Variants in OXR1 observed in about 807,000 individuals in gnomAD.
The protein encoded by OXR1 is oxidation resistance protein 1.
A neutral mutation model predicts 104.6 loss-of-function variants in OXR1; 41 were observed. The ratio of observed to expected loss-of-function variants is 0.39; its 90% CI spans 0.31 to 0.51. The LOEUF is 0.51. OXR1 is among the 20% of genes least tolerant of loss of function. The pLI, the probability that OXR1 is intolerant of heterozygous loss-of-function variation, is 0.77. For synonymous variants in OXR1, 348 were observed against 348.4 expected (o/e 1.00, Z 0.01); for missense variants, 955 against 1,031.9 (o/e 0.93, Z 1.02).
At chr8:106,395,130 T>G (rs1250406706) in intron 2 of OXR1, among the ~76,000 whole-genome samples, 1 of 152,120 alleles carries the variant, frequency 6.6e-6, no homozygotes, top group Non-Finnish European at 1.5e-5. Context: ...GAAACCATGT[T>G]ATGTGTTTTG....
intron 2 of OXR1, among the ~76,000 whole-genome samples, chr8:106,416,893 C>CT (rs1818703335): frequency 6.6e-6 from 1 of 151,972 alleles, no homozygotes; most frequent in Non-Finnish European, 1.5e-5. Flanking sequence ...TTCAAAATAA[C>CT]TTTTTTGCAG....
chr8:106,409,993 C>G (rs1383197974), intron 2 of OXR1, among the ~76,000 whole-genome samples: 14 of 139,282 alleles, frequency 1.0e-4, no homozygotes, highest in African/African-American at 4.3e-4. Flanking sequence ...TTCACACACA[C>G]ACACAAACAC....
At chr8:106,680,680 A>G (rs560628939) in intron 4 of OXR1, among the ~76,000 whole-genome samples, 26 of 152,158 alleles carry the variant, frequency 1.7e-4, no homozygotes, top group Admixed American at 7.2e-4. Context: ...TTGACATTCT[A>G]TTACTTGGAG....
chr8:106,309,814 C>CAT (rs1266281777), intron 1 of OXR1, among the ~76,000 whole-genome samples: 6 of 150,714 alleles, frequency 4.0e-5, no homozygotes, highest in East Asian at 3.9e-4. Flanking sequence ...TGTATATACA[C>CAT]ATATATATAT....
intron 3 of OXR1, among the ~76,000 whole-genome samples, chr8:106,671,052 A>ACAAAAAC (rs1826912495): frequency 2.7e-5 from 4 of 149,840 alleles, no homozygotes; most frequent in African/African-American, 9.9e-5. Context: ...CTCAAAAAAA[A>ACAAAAAC]AAAAAAAAAA....
chr8:106,481,372 T>C (rs1440116211), intron 2 of OXR1, among the ~76,000 whole-genome samples: 1 of 152,028 alleles, frequency 6.6e-6, no homozygotes, highest in African/African-American at 2.4e-5. Context: ...AGAGGCTGAC[T>C]CTCAGAAATA....
chr8:106,375,242 C>T (rs908833573), intron 2 of OXR1, among the ~76,000 whole-genome samples: 7 of 152,148 alleles, frequency 4.6e-5, no homozygotes, highest in African/African-American at 1.7e-4. Flanking sequence ...TTTTAAGTCA[C>T]TGTAAAGACG....
intron 3 of OXR1, among the ~76,000 whole-genome samples, chr8:106,663,015 A>G (rs761241022): frequency 6.6e-6 from 1 of 152,174 alleles, no homozygotes; most frequent in Non-Finnish European, 1.5e-5. Flanking sequence ...TGGATTTGGG[A>G]TGCTCAATCA....
At chr8:106,513,468 G>A (rs1183325071) in intron 2 of OXR1, among the ~76,000 whole-genome samples, 1 of 152,012 alleles carries the variant, frequency 6.6e-6, no homozygotes, top group Admixed American at 6.6e-5. Context: ...GTTGTTTTCT[G>A]AAAGATTTGG....
chr8:106,472,528 A>G (rs148831489), intron 2 of OXR1, among the ~76,000 whole-genome samples: 1 of 151,944 alleles, frequency 6.6e-6, no homozygotes, highest in East Asian at 1.9e-4. Flanking sequence ...TTGTTAATGA[A>G]TTTCTTCACT....
At chr8:106,726,049 C>T in intron 11 of OXR1, 1 of 760,954 alleles carries the variant, frequency 1.3e-6, no homozygotes, top group Non-Finnish European at 1.9e-6. Flanking sequence ...ACAGCCTCCA[C>T]TCAGGACTAT....
At chr8:106,421,226 T>C (rs189254854) in intron 2 of OXR1, among the ~76,000 whole-genome samples, 1 of 152,116 alleles carries the variant, frequency 6.6e-6, no homozygotes, top group African/African-American at 2.4e-5. Flanking sequence ...AGAACACTAG[T>C]AAAGAATGCT....
At chr8:106,390,249 A>G (rs1817539735) in intron 2 of OXR1, among the ~76,000 whole-genome samples, 1 of 152,226 alleles carries the variant, frequency 6.6e-6, no homozygotes, top group African/African-American at 2.4e-5. Flanking sequence ...TTCCACAAAT[A>G]TTATTTGAAT....
chr8:106,551,900 G>GTA (rs757874418), intron 3 of OXR1, among the ~76,000 whole-genome samples: 7 of 137,390 alleles, frequency 5.1e-5, no homozygotes, highest in Admixed American at 1.5e-4. Context: ...GTGTGTGTGT[G>GTA]TATTTATATA....
At chr8:106,678,903 A>G (rs1178639654) in intron 3 of OXR1, among the ~76,000 whole-genome samples, 1 of 152,062 alleles carries the variant, frequency 6.6e-6, no homozygotes, top group Non-Finnish European at 1.5e-5. Context: ...TGGTATTATA[A>G]TCAGGTTAAA....
chr8:106,736,828 A>C (rs1834417330), intron 11 of OXR1, among the ~76,000 whole-genome samples: 1 of 152,140 alleles, frequency 6.6e-6, no homozygotes, highest in Non-Finnish European at 1.5e-5. Context: ...ATACAGTAAA[A>C]ACCATAAAGA....
At chr8:106,497,631 T>A (rs1201519254) in intron 2 of OXR1, among the ~76,000 whole-genome samples, 1 of 152,212 alleles carries the variant, frequency 6.6e-6, no homozygotes, top group Admixed American at 6.5e-5. Context: ...ACACCATAAA[T>A]GTGTATTTGA....
chr8:106,730,815 C>T (rs1833817891), intron 11 of OXR1, among the ~76,000 whole-genome samples: 1 of 151,558 alleles, frequency 6.6e-6, no homozygotes, highest in Non-Finnish European at 1.5e-5. Flanking sequence ...GTAATATCAA[C>T]ACTTTAGGAG....
chr8:106,649,903 A>G (rs1278400818), intron 3 of OXR1, among the ~76,000 whole-genome samples: 2 of 152,092 alleles, frequency 1.3e-5, no homozygotes, highest in South Asian at 2.1e-4. Context: ...TCACTGTGTT[A>G]GCCAGAATGG....
Sources: allele counts gnomAD v4.1 joint callset (sites outside exome capture counted in the v4.1 genomes callset), GRCh38; gene constraint gnomAD v4.1.1; transcripts MANE v1.5; gene names NCBI Gene and HGNC (gene_info 2026-07-23, HGNC 2026-07-21).